OR1J2: variants seen among roughly 807,000 people sequenced by gnomAD.
OR1J2 encodes the protein olfactory receptor 1J2.
For synonymous variants in OR1J2, 142 were observed against 99.7 expected (o/e 1.42, Z -2.52); for missense variants, 304 against 246.1 (o/e 1.24, Z -1.57).
At chr9:122,520,116 G>A in the OR1J2 span, 1 of 1,459,822 alleles carries the variant, frequency 6.9e-7, no homozygotes, top group South Asian at 1.2e-5. Context: ...CATATGTACT[G>A]ACCTATTTCC....
chr9:122,543,650 G>T, the OR1J2 span, among the ~76,000 whole-genome samples: 1 of 152,216 alleles, frequency 6.6e-6, no homozygotes, highest in Non-Finnish European at 1.5e-5. Flanking sequence ...GAACCCAGTT[G>T]TCATGTTGTG....
the OR1J2 span, among the ~76,000 whole-genome samples, chr9:122,540,601 T>C: frequency 6.6e-6 from 1 of 152,176 alleles, no homozygotes; most frequent in African/African-American, 2.4e-5. Context: ...CGATGCGGGC[T>C]CTTTTTTGGT....
the OR1J2 span, among the ~76,000 whole-genome samples, chr9:122,451,129 C>A: frequency 6.7e-6 from 1 of 149,294 alleles, no homozygotes; most frequent in Non-Finnish European, 1.5e-5. Context: ...CTTCTCTCTT[C>A]CCTTTTTCTC....
upstream of OR1J2, among the ~76,000 whole-genome samples, chr9:122,508,770 G>A (rs140402205): frequency 3.9e-3 from 596 of 152,238 alleles, 5 homozygotes; most frequent in African/African-American, 0.013. Flanking sequence ...TTCTATTACT[G>A]CTTTAACAAA....
chr9:122,579,929 A>G, the OR1J2 span, among the ~76,000 whole-genome samples: 1 of 152,164 alleles, frequency 6.6e-6, no homozygotes, highest in Non-Finnish European at 1.5e-5. Context: ...TGACCCACCT[A>G]AAGTACTTCT....
chr9:122,519,473 C>T, the OR1J2 span: 10 of 1,613,992 alleles, frequency 6.2e-6, no homozygotes, highest in Admixed American at 8.3e-5. Flanking sequence ...CTGATCTAGA[C>T]AATTTCCTTC....
chr9:122,452,972 G>A, the OR1J2 span, among the ~76,000 whole-genome samples: 1 of 148,220 alleles, frequency 6.7e-6, no homozygotes, highest in Admixed American at 6.8e-5. Flanking sequence ...AGGTTGCAGT[G>A]AGCCGAGATC....
the OR1J2 span, among the ~76,000 whole-genome samples, chr9:122,485,722 G>A: frequency 2.6e-5 from 4 of 152,174 alleles, no homozygotes; most frequent in Admixed American, 6.5e-5. Context: ...TCCAGGTTTG[G>A]ATGGCAGAAC....
chr9:122,571,832 C>A, the OR1J2 span, among the ~76,000 whole-genome samples: 5 of 152,002 alleles, frequency 3.3e-5, no homozygotes, highest in Admixed American at 1.3e-4. Context: ...GATTTGTCCT[C>A]TATCACCTGC....
the OR1J2 span, among the ~76,000 whole-genome samples, chr9:122,531,891 A>G: frequency 5.9e-5 from 9 of 152,286 alleles, no homozygotes; most frequent in African/African-American, 2.2e-4. Context: ...GCCTCTACCT[A>G]TCCAGTGAAA....
At chr9:122,528,619 T>C in the OR1J2 span, among the ~76,000 whole-genome samples, 1 of 152,072 alleles carries the variant, frequency 6.6e-6, no homozygotes, top group Non-Finnish European at 1.5e-5. Context: ...TAAATAAAGA[T>C]AAAAATAATA....
At chr9:122,448,632 T>C in the OR1J2 span, among the ~76,000 whole-genome samples, 52,638 of 152,024 alleles carry the variant, frequency 0.35, 10,086 homozygotes, top group African/African-American at 0.52. Flanking sequence ...TGCGGCTTTC[T>C]GCAGTGCATT....
the OR1J2 span, among the ~76,000 whole-genome samples, chr9:122,560,925 C>T: frequency 6.6e-6 from 1 of 152,084 alleles, no homozygotes; most frequent in African/African-American, 2.4e-5. Flanking sequence ...GTGTGTTTTC[C>T]ATCTTGGTTC....
chr9:122,524,314 C>T, the OR1J2 span, among the ~76,000 whole-genome samples: 1 of 152,154 alleles, frequency 6.6e-6, no homozygotes, highest in East Asian at 1.9e-4. Flanking sequence ...ATGATGTTTG[C>T]ACAATGACAA....
chr9:122,531,307 G>C, the OR1J2 span, among the ~76,000 whole-genome samples: 3 of 152,356 alleles, frequency 2.0e-5, no homozygotes, highest in East Asian at 1.9e-4. Flanking sequence ...AGAGTTAAGA[G>C]TGGCGGTTTG....
downstream of OR1J2, among the ~76,000 whole-genome samples, chr9:122,512,053 T>C (rs567554012): frequency 1.3e-5 from 2 of 152,350 alleles, no homozygotes; most frequent in East Asian, 3.9e-4. Context: ...GACATATATA[T>C]TTTTGGCCTA....
chr9:122,478,257 T>G, the OR1J2 span, among the ~76,000 whole-genome samples: 1 of 152,240 alleles, frequency 6.6e-6, no homozygotes, highest in Non-Finnish European at 1.5e-5. Flanking sequence ...TGGGTGGTAC[T>G]GTTATTATTT....
At chr9:122,465,412 A>G in the OR1J2 span, among the ~76,000 whole-genome samples, 1 of 152,310 alleles carries the variant, frequency 6.6e-6, no homozygotes, top group Non-Finnish European at 1.5e-5. Flanking sequence ...ATCCTAAAGC[A>G]CGTAATTATA....
the OR1J2 span, chr9:122,477,621 A>G: frequency 1.2e-5 from 19 of 1,614,114 alleles, no homozygotes; most frequent in Non-Finnish European, 1.5e-5. Flanking sequence ...ATATGAAAAA[A>G]TATGTCTGTG....
Sources: gnomAD v4.1 joint callset for allele counts (sites outside exome capture counted in the v4.1 genomes callset) on GRCh38, gnomAD v4.1.1 for gene constraint, MANE v1.5 for transcripts, NCBI Gene and HGNC (gene_info 2026-07-23, HGNC 2026-07-21) for gene names.